LRIG2: variants seen among roughly 807,000 people sequenced by gnomAD.
The protein encoded by LRIG2 is leucine rich repeats and immunoglobulin like domains 2.
In LRIG2, 93 loss-of-function variants were observed where a neutral mutation model predicts 107.8. The ratio of observed to expected loss-of-function variants is 0.86; its 90% CI spans 0.73 to 1.03. LRIG2 has a LOEUF of 1.03. Among genes scored for constraint, LRIG2 ranks in the 50% least tolerant of loss-of-function variants. LRIG2 has a pLI of 0.00. For synonymous variants in LRIG2, 471 were observed against 470.6 expected, an observed-to-expected ratio of 1.00 and a Z score of -0.01; for missense variants, 1,226 against 1,296.0, an observed-to-expected ratio of 0.95 and a Z score of 0.83.
Position 113,094,437 on chromosome 1 carries a change from G to T in LRIG2, c.614G>T (p.Ser205Ile), listed in dbSNP as rs898569562. Residue 205 changes from serine (S) to isoleucine (I), a missense_variant, in exon 5 of 18, where the codon AGC becomes ATC. Ser to Ile is a moderately radical substitution (Grantham distance 142, BLOSUM62 -2). This residue lies in a region of LRIG2 where 570 missense variants were observed against 550.2 expected (regional missense o/e 1.04). Transcript: ENST00000361127. ...GTAAAGTTAAACCGTAACCGAATGA[G>T]CATGATTCCACCTAAGATCTTCAAG... ...LVVKLNRNRM[S>I]MIPPKIFKLP... The T allele has an allele frequency of 6.2e-7, 1 of 1,613,116 alleles. No homozygotes were observed. Among genetic ancestry groups the T allele is most frequent in the South Asian group, 1.1e-5 (1 of 90,464 alleles).
At position 113,095,864 on chromosome 1, in the gene LRIG2, A is replaced by C; in HGVS notation, c.804-10A>C. ...GGAACGTATTTTCTTCTCTTTCTCTAATTCTGCAGAGAACTGGAACACAAC... is the reference window on the plus strand; with the variant it reads ...GGAACGTATTTTCTTCTCTTTCTCTCATTCTGCAGAGAACTGGAACACAAC... On this transcript the variant is annotated splice_polypyrimidine_tract_variant and intron_variant, in intron 6 of 17. Coordinates refer to ENST00000361127, the MANE Select transcript of LRIG2 (RefSeq NM_014813.3). The C allele has an allele frequency of 6.2e-7, 1 of 1,614,046 alleles. No individual in the cohort carries two copies.
chr1:113,111,176 C>A (rs988362357), intron 13 of LRIG2, among the ~76,000 whole-genome samples: 2 of 152,156 alleles, frequency 1.3e-5, no homozygotes, highest in Non-Finnish European at 2.9e-5. Flanking sequence ...GCTGGAATTA[C>A]AGATGTGCGC....
chr1:113,082,545 A>T (rs1282982165), intron 1 of LRIG2, among the ~76,000 whole-genome samples: 4 of 152,220 alleles, frequency 2.6e-5, no homozygotes, highest in Admixed American at 2.6e-4. Flanking sequence ...CTCGTGGCCA[A>T]AGGCAAAGCG....
Position 113,128,818 on chromosome 1 carries a change from C to T in LRIG2, c.*4717C>T, listed in dbSNP as rs1293019345. 1 of 152,154 alleles carries T rather than the reference C, an allele frequency of 6.6e-6. No homozygotes were observed. Among genetic ancestry groups the T allele is most frequent in the South Asian group, 2.1e-4 (1 of 4,830 alleles). The allele number at this position is 152,154 out of a possible 1,614,324, so 9.4% of individuals were successfully genotyped here. ...ATATCAGAATGAGTTGACAGGTATACCACAACTAATTTGTAACTAGTTTGT... is the reference window on the plus strand; with the variant it reads ...ATATCAGAATGAGTTGACAGGTATATCACAACTAATTTGTAACTAGTTTGT... On this transcript the variant is annotated 3_prime_UTR_variant, in exon 18 of 18. Transcript: ENST00000361127.
intron 12 of LRIG2, 24 bp from the exon 13 acceptor site, chr1:113,110,218 A>G (rs1417037868): frequency 2.0e-6 from 3 of 1,500,450 alleles, no homozygotes; most frequent in South Asian, 1.2e-5. Context: ...TGACTTGGCT[A>G]CGGATGCATT....
intron 11 of LRIG2, among the ~76,000 whole-genome samples, chr1:113,106,506 C>G (rs1654545855): frequency 6.6e-6 from 1 of 151,864 alleles, no homozygotes; most frequent in South Asian, 2.1e-4. Context: ...AGTGGGTTTT[C>G]TTTTTGTTTT....
At chr1:113,107,813 T>C in intron 12 of LRIG2, 56 bp downstream of exon 12, 3 of 1,436,244 alleles carry the variant, frequency 2.1e-6, no homozygotes, top group Non-Finnish European at 2.8e-6. Flanking sequence ...CTTAACAGAA[T>C]TAAAAAAATT....
At chr1:113,101,101 T>C (rs1056647718) in intron 11 of LRIG2, among the ~76,000 whole-genome samples, 3 of 152,120 alleles carry the variant, frequency 2.0e-5, no homozygotes, top group Non-Finnish European at 4.4e-5. Flanking sequence ...GAGACAGTCT[T>C]ACTCTATCCC....
chr1:113,090,215 G>A (rs1181773770), intron 1 of LRIG2, among the ~76,000 whole-genome samples: 1 of 152,154 alleles, frequency 6.6e-6, no homozygotes, highest in South Asian at 2.1e-4. Context: ...GGCAAAATGT[G>A]TAAATTGTTG....
intron 8 of LRIG2, among the ~76,000 whole-genome samples, 191 bp from the exon 9 acceptor site, chr1:113,098,514 T>G (rs1048890973): frequency 2.0e-5 from 3 of 152,096 alleles, no homozygotes; most frequent in Admixed American, 6.5e-5. Context: ...TACGTGTTTA[T>G]TACAGATATT....
At position 113,100,277 on chromosome 1, in the gene LRIG2, G is replaced by A. The variant is rs368989615; in HGVS notation, c.1239G>A (p.Glu413=). 9.5e-6 allele frequency: 15 copies of A among 1,586,514 alleles called. No homozygotes were observed. The highest frequency in any genetic ancestry group is 1.3e-5 in the Non-Finnish European group (15 of 1,160,208). The change falls in exon 10 of 18, where the codon GAG becomes GAA. Residue 413 remains glutamate, a synonymous_variant. Coordinates refer to ENST00000361127, the MANE Select transcript of LRIG2 (RefSeq NM_014813.3). ...CATTCATTGGTCTTGAATCCCTTGAGCATCTGTAAGTATTTTGCATACATT... is the reference window on the plus strand; with the variant it reads ...CATTCATTGGTCTTGAATCCCTTGAACATCTGTAAGTATTTTGCATACATT... ...KKAFIGLESL[E]HLDLNNNAIM... is the part of the protein sequence containing the mutation.
chr1:113,074,217 G>GT (rs1652852616), intron 1 of LRIG2, among the ~76,000 whole-genome samples: 1 of 152,170 alleles, frequency 6.6e-6, no homozygotes, highest in South Asian at 2.1e-4. Flanking sequence ...CTGTAATTCA[G>GT]AATATCTTTG....
At chr1:113,087,674 T>C (rs1653619559) in intron 1 of LRIG2, among the ~76,000 whole-genome samples, 1 of 152,166 alleles carries the variant, frequency 6.6e-6, no homozygotes, top group South Asian at 2.1e-4. Context: ...TTTAGTCTTC[T>C]GTCTTTTGGG....
chr1:113,093,323 AG>A (rs1352496274), intron 3 of LRIG2, 43 bp downstream of exon 3: 1 of 1,551,598 alleles, frequency 6.4e-7, no homozygotes, highest in East Asian at 2.3e-5. Flanking sequence ...AATTATGAAA[AG>A]TATACATTTT....
Position 113,073,234 on chromosome 1 carries a change from C to G in LRIG2, c.-173C>G. The G allele has an allele frequency of 1.6e-6, 1 of 626,294 alleles. No individual in the cohort carries two copies. Among genetic ancestry groups the G allele is most frequent in the East Asian group, 2.6e-5 (1 of 37,902 alleles). The allele number at this position is 626,294 out of a possible 1,614,324, so 38.8% of individuals were successfully genotyped here. On this transcript the variant is annotated 5_prime_UTR_variant, in exon 1 of 18. Transcript: ENST00000361127. ...GTCCGTCAGGCCGTGTGTCCCAGGC[C>G]GTCGACCCCGCTGTCGCGCTGCGTC... is the stretch of plus-strand genomic sequence containing the variant.
In LRIG2 at chr1:113,112,704, G is replaced by A. The variant is rs759582477; in HGVS notation, c.2024G>A (p.Cys675Tyr). ...ATAGAAGATATGGGAATCTATAGCT[G>A]CATGGCACAAAATACAGCAGGAGGT... is the stretch of plus-strand genomic sequence containing the variant. ...VKIEDMGIYS[C>Y]MAQNTAGGLS... The change falls in exon 14 of 18, where the codon TGC (cysteine) becomes TAC (tyrosine). Residue 675 changes from cysteine (C) to tyrosine (Y), a missense_variant. Coordinates refer to ENST00000361127, the MANE Select transcript of LRIG2 (RefSeq NM_014813.3). The A allele has an allele frequency of 6.2e-7, 1 of 1,612,780 alleles. No homozygotes were observed. The highest frequency in any genetic ancestry group is 8.5e-7 in the Non-Finnish European group (1 of 1,178,812).
At chr1:113,080,627 C>G (rs1158545714) in intron 1 of LRIG2, among the ~76,000 whole-genome samples, 3 of 148,128 alleles carry the variant, frequency 2.0e-5, no homozygotes, top group African/African-American at 7.5e-5. Context: ...ATCCACCCGT[C>G]TCGGCCTCCC....
Position 113,073,364 on chromosome 1 carries a change from TAGC to T in LRIG2, c.-40_-38del, listed in dbSNP as rs757188985. On this transcript the variant is annotated 5_prime_UTR_variant, in exon 1 of 18. Coordinates refer to ENST00000361127, the MANE Select transcript of LRIG2 (RefSeq NM_014813.3). ...AGCTTCTCCGCCGATCCTCCTTTTC[TAGC>T]AGGCAGCTCTTCTAGGCCACGTCCA... The T allele has an allele frequency of 1.3e-6, 2 of 1,514,766 alleles. No individual in the cohort carries two copies. Among genetic ancestry groups the T allele is most frequent in the Non-Finnish European group, 1.8e-6 (2 of 1,096,146 alleles). The allele number at this position is 1,514,766 out of a possible 1,614,324, so 93.8% of individuals were successfully genotyped here.
At chr1:113,123,498 C>T (rs545525890) in intron 17 of LRIG2, among the ~76,000 whole-genome samples, 48 of 152,242 alleles carry the variant, frequency 3.2e-4, no homozygotes, top group African/African-American at 9.9e-4. Context: ...TGTGTGAACC[C>T]GGGAGGCGGA....
Sources: allele counts gnomAD v4.1 joint callset (sites outside exome capture counted in the v4.1 genomes callset), GRCh38; gene constraint gnomAD v4.1.1; regional missense constraint gnomAD v4.1.1; transcripts MANE v1.5; gene names NCBI Gene and HGNC (gene_info 2026-07-23, HGNC 2026-07-21).